NELL1: variants seen among roughly 807,000 people sequenced by gnomAD.
NELL1 encodes protein kinase C-binding protein NELL1.
In NELL1, 76 loss-of-function variants were observed where a neutral mutation model predicts 107.4. The observed-to-expected ratio is 0.71, with a 90% CI of 0.59 to 0.86. NELL1 has a LOEUF of 0.86. NELL1 is among the 40% of genes least tolerant of loss of function. The pLI is 0.00. For synonymous variants in NELL1, 353 were observed against 341.2 expected (o/e 1.03, Z -0.38); for missense variants, 1,024 against 1,005.5 (o/e 1.02, Z -0.25).
chr11:20,682,309 T>C (rs1854207637), intron 2 of NELL1, among the ~76,000 whole-genome samples: 2 of 151,052 alleles, frequency 1.3e-5, no homozygotes, highest in African/African-American at 4.8e-5. Context: ...AAAGTAATTA[T>C]ATATTTTATT....
At chr11:21,133,886 C>T (rs1437574026) in intron 13 of NELL1, among the ~76,000 whole-genome samples, 3 of 152,188 alleles carry the variant, frequency 2.0e-5, no homozygotes, top group African/African-American at 7.2e-5. Context: ...GGCTCCTACC[C>T]CACCAACTCA....
At chr11:21,133,074 A>T (rs972818172) in intron 13 of NELL1, among the ~76,000 whole-genome samples, 5 of 152,074 alleles carry the variant, frequency 3.3e-5, no homozygotes, top group African/African-American at 1.2e-4. Context: ...GTGAGGATAG[A>T]TGGAAGATGA....
chr11:20,854,510 G>A (rs1160409232), intron 4 of NELL1, among the ~76,000 whole-genome samples: 4 of 152,194 alleles, frequency 2.6e-5, no homozygotes, highest in African/African-American at 7.2e-5. Flanking sequence ...TATGTGAGTT[G>A]GCAGTGCAAC....
intron 2 of NELL1, among the ~76,000 whole-genome samples, chr11:20,702,656 A>T (rs7934641): frequency 0.38 from 57,441 of 151,780 alleles, 12,615 homozygotes; most frequent in African/African-American, 0.6. Context: ...TTGTCATAAA[A>T]AGCTCTTATT....
chr11:21,376,079 T>A (rs2133760990), intron 15 of NELL1, among the ~76,000 whole-genome samples: 1 of 152,284 alleles, frequency 6.6e-6, no homozygotes, highest in Admixed American at 6.5e-5. Flanking sequence ...ATTTTTGTTT[T>A]TGTTGCAATT....
rs1242467428 is a variant in NELL1 at position 20,915,699 on chromosome 11, T to TTATATATATATATATATATATATATA, written c.604-2483_604-2482insTATATATATATATATATATATATATA. ...TTTCATCTGTGGAAATCCTCATAGA[T>TTATATATATATATATATATATATATA]GATATATATATATATATATTTTTTT... is the stretch of plus-strand genomic sequence containing the variant. On this transcript the variant is annotated intron_variant, in intron 5 of 19. Transcript: ENST00000357134. 3.9e-4 allele frequency among the ~76,000 whole-genome samples: 8 copies of TTATATATATATATATATATATATATA among 20,384 alleles called. 1 individual carries two copies. Among genetic ancestry groups the TTATATATATATATATATATATATATA allele is most frequent in the Admixed American group, 6.9e-4 (1 of 1,458 alleles). The allele number at this position is 20,384 out of a possible 152,430, so 13.4% of individuals were successfully genotyped here. A position where few individuals can be genotyped will look rare whatever the true frequency, so the allele number is the denominator to read the frequency against.
intron 15 of NELL1, among the ~76,000 whole-genome samples, chr11:21,514,302 G>T (rs1016144713): frequency 5.3e-5 from 8 of 152,002 alleles, no homozygotes; most frequent in African/African-American, 1.5e-4. Flanking sequence ...TGTATATTTG[G>T]CATATAAAAA....
chr11:21,256,057 G>GTGATTC lies in NELL1; in HGVS notation c.1549+26605_1549+26610dup, dbSNP rs1858760194. Among the ~76,000 whole-genome samples, 15 of 152,040 alleles carry GTGATTC rather than the reference G, an allele frequency of 9.9e-5. No homozygotes were observed. The South Asian group carries it at 2.7e-3, about 27-fold the overall frequency. ...ATGTAGCTGTCTCCCCTCCCAGGCT[G>GTGATTC]TGATTCTCTTAAGAACAGACCTAAT... On this transcript the variant is annotated intron_variant, in intron 14 of 19. Coordinates refer to ENST00000357134, the MANE Select transcript of NELL1 (RefSeq NM_006157.5).
chr11:20,905,713 A>T (rs1197405122), intron 5 of NELL1, among the ~76,000 whole-genome samples: 2 of 152,154 alleles, frequency 1.3e-5, no homozygotes, highest in Non-Finnish European at 2.9e-5. Flanking sequence ...TAAAGATAAG[A>T]TCATTGAAAT....
At chr11:20,728,290 T>C (rs1378460474) in intron 2 of NELL1, among the ~76,000 whole-genome samples, 1 of 152,182 alleles carries the variant, frequency 6.6e-6, no homozygotes, top group Non-Finnish European at 1.5e-5. Flanking sequence ...TCTTTTGCTG[T>C]GCAGAAGCTC....
At chr11:20,975,838 T>C (rs1018123778) in intron 12 of NELL1, among the ~76,000 whole-genome samples, 1 of 130,892 alleles carries the variant, frequency 7.6e-6, no homozygotes, top group Non-Finnish European at 1.6e-5. Context: ...TATGTACATA[T>C]GTGTATTATA....
chr11:20,953,532 T>G (rs1851109657), intron 11 of NELL1, among the ~76,000 whole-genome samples: 1 of 152,132 alleles, frequency 6.6e-6, no homozygotes, highest in Non-Finnish European at 1.5e-5. Flanking sequence ...ATATGCAGAT[T>G]AGGCTAATGA....
chr11:21,066,785 C>A (rs568294063), intron 12 of NELL1, among the ~76,000 whole-genome samples: 52 of 151,946 alleles, frequency 3.4e-4, no homozygotes, highest in African/African-American at 1.2e-3. Context: ...GAAACCTTGT[C>A]TCTACTAAAA....
chr11:20,989,820 G>A (rs961589444), intron 12 of NELL1, among the ~76,000 whole-genome samples: 2 of 151,994 alleles, frequency 1.3e-5, no homozygotes, highest in Non-Finnish European at 2.9e-5. Context: ...GTGAAACCCT[G>A]TCTCTACTAA....
At chr11:21,493,140 A>G (rs1436803338) in intron 15 of NELL1, among the ~76,000 whole-genome samples, 1 of 152,118 alleles carries the variant, frequency 6.6e-6, no homozygotes, top group African/African-American at 2.4e-5. Flanking sequence ...TGTGGGTGGG[A>G]ATGTAAATTA....
intron 12 of NELL1, among the ~76,000 whole-genome samples, chr11:21,054,459 T>C (rs896001783): frequency 6.6e-6 from 1 of 152,072 alleles, no homozygotes; most frequent in Non-Finnish European, 1.5e-5. Flanking sequence ...GTACTTGGAA[T>C]GGCTAAAGAA....
chr11:20,919,784 T>A (rs1413334613), intron 7 of NELL1, among the ~76,000 whole-genome samples: 1 of 152,154 alleles, frequency 6.6e-6, no homozygotes, highest in African/African-American at 2.4e-5. Flanking sequence ...ATTACATTTT[T>A]AATGTATAAT....
chr11:21,403,432 T>C (rs1852145932), intron 15 of NELL1, among the ~76,000 whole-genome samples: 1 of 151,852 alleles, frequency 6.6e-6, no homozygotes, highest in Admixed American at 6.6e-5. Flanking sequence ...TCCTGGATAG[T>C]AGCCTGATCT....
intron 16 of NELL1, among the ~76,000 whole-genome samples, chr11:21,555,596 G>A (rs899152778): frequency 2.0e-5 from 3 of 151,812 alleles, no homozygotes; most frequent in African/African-American, 7.2e-5. Context: ...ACCAAACAAG[G>A]GAACACCATA....
Sources: gnomAD v4.1 joint callset for allele counts (sites outside exome capture counted in the v4.1 genomes callset) on GRCh38, gnomAD v4.1.1 for gene constraint, MANE v1.5 for transcripts, NCBI Gene and HGNC (gene_info 2026-07-23, HGNC 2026-07-21) for gene names.